Variants in KCNC4 observed in about 807,000 individuals in gnomAD.
The protein encoded by KCNC4 is voltage-gated potassium channel KCNC4.
Under a neutral mutation model 42.8 loss-of-function variants are expected in KCNC4, and 23 were observed. That is an observed-to-expected ratio of 0.54 (90% CI 0.39 to 0.76). The LOEUF is 0.76. Ranked by LOEUF, KCNC4 falls within the 30% of genes least tolerant of loss-of-function variation. The pLI, the probability that KCNC4 is intolerant of heterozygous loss-of-function variation, is 0.00. For synonymous variants in KCNC4, 422 were observed against 393.5 expected, an observed-to-expected ratio of 1.07 and a Z score of -0.86; for missense variants, 751 against 898.2, an observed-to-expected ratio of 0.84 and a Z score of 2.10.
chr1:110,256,272 A>G (rs187389713), intron 1 of KCNC4, among the ~76,000 whole-genome samples: 7 of 152,328 alleles, frequency 4.6e-5, no homozygotes, highest in African/African-American at 1.7e-4. Flanking sequence ...AAACCCACCT[A>G]CAGTTACAAA....
Position 110,223,949 on chromosome 1 carries a change from G to A in KCNC4, c.1615+49G>A, listed in dbSNP as rs1264316947. 1.4e-6 allele frequency: 2 copies of A among 1,429,312 alleles called. No homozygotes were observed. Among genetic ancestry groups the A allele is most frequent in the Non-Finnish European group, 1.9e-6 (2 of 1,049,250 alleles). 88.5% of individuals were successfully genotyped at this position (1,429,312 alleles called of 1,614,324 possible). A position where few individuals can be genotyped will look rare whatever the true frequency, so the allele number is the denominator to read the frequency against. The stretch of plus-strand genomic sequence containing the variant: ...AAATCCCTTTTCCCCCAGTGGCCTA[G>A]GGAGTTTCCAAATGGACCTCAGACC... On this transcript the variant is annotated intron_variant, in intron 2 of 3. Coordinates refer to ENST00000438661, the MANE Select transcript of KCNC4 (RefSeq NM_001039574.3). The surrounding 1 kb of genome is among the most constrained non-coding windows in gnomAD (Gnocchi z 7.5).
chr1:110,236,472 A>G (rs1658910479), downstream of KCNC4: 1 of 152,202 alleles, frequency 6.6e-6, no homozygotes, highest in African/African-American at 2.4e-5. Context: ...ATTGATTCTC[A>G]TAGCAAAGGT....
exon 4 of KCNC4, chr1:110,239,840 T>G (rs999252882): frequency 1.3e-5 from 2 of 152,224 alleles, no homozygotes; most frequent in Admixed American, 1.3e-4. Context: ...ACCTACCATT[T>G]TCTACCTGGT....
intron 1 of KCNC4, among the ~76,000 whole-genome samples, chr1:110,256,564 T>G (rs1304351374): frequency 2.0e-5 from 3 of 152,206 alleles, no homozygotes; most frequent in African/African-American, 4.8e-5. Flanking sequence ...CAGCTAACAA[T>G]TACATTTAGT....
chr1:110,226,967 C>T (rs2282262), intron 3 of KCNC4, among the ~76,000 whole-genome samples: 43,809 of 152,090 alleles, frequency 0.29, 6,777 homozygotes, highest in East Asian at 0.48. Context: ...GGAGGGCCCG[C>T]GGTGGCTGAG....
chr1:110,257,405 C>T (rs1659352756), intron 1 of KCNC4, among the ~76,000 whole-genome samples: 2 of 151,112 alleles, frequency 1.3e-5, no homozygotes, highest in East Asian at 3.9e-4. Context: ...TGATTCCCTC[C>T]CCTGCCGCAA....
chr1:110,215,387 G>C (rs948939096), intron 1 of KCNC4, among the ~76,000 whole-genome samples: 2 of 152,310 alleles, frequency 1.3e-5, no homozygotes, highest in South Asian at 4.1e-4. Flanking sequence ...GCCTCAGGGG[G>C]CCCAGTGGAG....
At chr1:110,260,885 G>T (rs1157658009) in intron 1 of KCNC4, among the ~76,000 whole-genome samples, 2 of 152,316 alleles carry the variant, frequency 1.3e-5, no homozygotes, top group East Asian at 1.9e-4. Flanking sequence ...AGCCGAGATC[G>T]CGCCACTGCA....
chr1:110,249,544 C>G (rs1456386429), downstream of KCNC4, among the ~76,000 whole-genome samples: 1 of 152,160 alleles, frequency 6.6e-6, no homozygotes, highest in East Asian at 1.9e-4. Context: ...TATATAGACT[C>G]CTTGGCCTGG....
Position 110,226,009 on chromosome 1 carries a change from G to A in KCNC4, c.1650G>A (p.Leu550=). ...SKQNGDANAV[L]SDEEGAGLTQ... is the part of the protein sequence containing the mutation. ...AGAATGGCGATGCCAACGCAGTGCT[G>A]TCTGATGAGGAGGGAGCTGGCCTCA... Residue 550 remains leucine, a synonymous_variant, in exon 3 of 4, where the codon CTG becomes CTA. Transcript: ENST00000438661. The A allele has an allele frequency of 1.9e-6, 3 of 1,611,070 alleles. No homozygotes were observed. Among genetic ancestry groups the A allele is most frequent in the Non-Finnish European group, 2.5e-6 (3 of 1,177,906 alleles).
intron 3 of KCNC4, among the ~76,000 whole-genome samples, chr1:110,229,353 C>A (rs979639639): frequency 6.6e-6 from 1 of 152,164 alleles, no homozygotes; most frequent in Non-Finnish European, 1.5e-5. Flanking sequence ...TAGCTTCAGG[C>A]TTGGTGCAGG....
chr1:110,216,000 A>G (rs1657774848), intron 1 of KCNC4, among the ~76,000 whole-genome samples: 3 of 152,286 alleles, frequency 2.0e-5, no homozygotes, highest in African/African-American at 7.2e-5. Flanking sequence ...ACTCCCCAGA[A>G]TTGGTCAAGG....
At chr1:110,250,984 G>A (rs1196051792), downstream of KCNC4, among the ~76,000 whole-genome samples, 1 of 152,190 alleles carries the variant, frequency 6.6e-6, no homozygotes, top group East Asian at 1.9e-4. Flanking sequence ...GACGGGACTA[G>A]GGCCATGTAA....
chr1:110,232,498 C>T, intron 3 of KCNC4: 1 of 1,438,616 alleles, frequency 7.0e-7, no homozygotes, highest in Non-Finnish European at 9.1e-7. Context: ...CCCACTGCCT[C>T]CATGCAAGGC....
chr1:110,215,371 T>C (rs1253483313), intron 1 of KCNC4, among the ~76,000 whole-genome samples: 1 of 152,158 alleles, frequency 6.6e-6, no homozygotes, highest in Non-Finnish European at 1.5e-5. Flanking sequence ...CCGTGGAGAC[T>C]TCACAGCCTC....
chr1:110,227,939 T>C (rs561567675), intron 3 of KCNC4, among the ~76,000 whole-genome samples: 34 of 152,284 alleles, frequency 2.2e-4, no homozygotes, highest in Admixed American at 5.9e-4. Context: ...GGGGCCTGTC[T>C]GCTCTGTTTT....
At chr1:110,231,231 C>T (rs1436437086) in intron 3 of KCNC4, among the ~76,000 whole-genome samples, 1 of 152,202 alleles carries the variant, frequency 6.6e-6, no homozygotes, top group Non-Finnish European at 1.5e-5. Flanking sequence ...AGGCCATGGA[C>T]TGGCTGCAGG....
At chr1:110,245,162 G>GGGAAGGGGAGACATGAGTGATC (rs1553215655) in exon 4 of KCNC4, 1 of 152,272 alleles carries the variant, frequency 6.6e-6, no homozygotes, top group Non-Finnish European at 1.5e-5. Flanking sequence ...TGGCGGAGGA[G>GGGAAGGGGAGACATGAGTGATC]GGAAGGGGAG....
exon 4 of KCNC4, chr1:110,246,766 C>CTTTCTTT (rs746720945): frequency 7.2e-6 from 1 of 139,378 alleles, no homozygotes; most frequent in Admixed American, 7.1e-5. Flanking sequence ...TTTTTCTTTT[C>CTTTCTTT]TTTTTTTTTT....
Sources: allele counts gnomAD v4.1 joint callset (sites outside exome capture counted in the v4.1 genomes callset), GRCh38; gene constraint gnomAD v4.1.1; non-coding constraint Gnocchi (gnomAD v3.1); transcripts MANE v1.5; gene names NCBI Gene and HGNC (gene_info 2026-07-23, HGNC 2026-07-21).